SH3D19: variants seen among roughly 807,000 people sequenced by gnomAD.
SH3D19 encodes the protein SH3 domain-containing protein 19.
A neutral mutation model predicts 112.1 loss-of-function variants in SH3D19; 58 were observed. The observed-to-expected ratio is 0.52, with a 90% confidence interval of 0.42 to 0.64. SH3D19 has a LOEUF of 0.64. Ranked by LOEUF, SH3D19 falls within the 30% of genes least tolerant of loss-of-function variation. The pLI, the probability that SH3D19 is intolerant of heterozygous loss-of-function variation, is 0.00. For missense variants in SH3D19, 1,090 were observed against 1,263.4 expected (o/e 0.86, Z 2.08); for synonymous variants, 391 against 448.5 (o/e 0.87, Z 1.62).
chr4:151,281,736 T>G (rs565752535), intron 1 of SH3D19, among the ~76,000 whole-genome samples: 2 of 152,180 alleles, frequency 1.3e-5, no homozygotes, highest in African/African-American at 4.8e-5. Flanking sequence ...TTTAACTGTG[T>G]ATATGTGTAA....
chr4:151,238,138 C>T (rs1052502420), intron 1 of SH3D19, among the ~76,000 whole-genome samples: 3 of 152,220 alleles, frequency 2.0e-5, no homozygotes, highest in Non-Finnish European at 4.4e-5. Context: ...TGTCTTCCCT[C>T]ATTCCTAGTT....
intron 11 of SH3D19, among the ~76,000 whole-genome samples, chr4:151,145,707 G>A (rs570285462): frequency 6.6e-6 from 1 of 152,230 alleles, no homozygotes; most frequent in South Asian, 2.1e-4. Flanking sequence ...CTTGAGAAAG[G>A]GCTCTTAACA....
chr4:151,197,413 AAT>A (rs950130373), intron 2 of SH3D19, among the ~76,000 whole-genome samples: 10 of 152,218 alleles, frequency 6.6e-5, no homozygotes, highest in African/African-American at 9.6e-5. Flanking sequence ...ATGGGTGTCT[AAT>A]ATCTACTGAT....
At chr4:151,208,683 T>C (rs1161216344) in intron 2 of SH3D19, among the ~76,000 whole-genome samples, 1 of 8,036 alleles carries the variant, frequency 1.2e-4, no homozygotes, top group Non-Finnish European at 4.0e-3. Flanking sequence ...GGAAATCTCT[T>C]TTTTTTTTTT....
intron 2 of SH3D19, among the ~76,000 whole-genome samples, chr4:151,216,621 G>A (rs1056996140): frequency 6.6e-6 from 1 of 152,156 alleles, no homozygotes; most frequent in African/African-American, 2.4e-5. Flanking sequence ...CTGAGAAATG[G>A]GTGGCCAACA....
At chr4:151,196,207 T>C (rs1038984989) in intron 2 of SH3D19, among the ~76,000 whole-genome samples, 2 of 152,150 alleles carry the variant, frequency 1.3e-5, no homozygotes, top group African/African-American at 4.8e-5. Context: ...ATTTAGAGTC[T>C]ATACATATAA....
intron 19 of SH3D19, among the ~76,000 whole-genome samples, chr4:151,125,481 C>CAAAAT (rs1345161778): frequency 3.0e-5 from 1 of 32,888 alleles, no homozygotes; most frequent in Non-Finnish European, 7.9e-5. Context: ...CAAAACAAAA[C>CAAAAT]AAAACAAAAC....
At chr4:151,281,536 C>T (rs1774236000) in intron 1 of SH3D19, among the ~76,000 whole-genome samples, 1 of 152,006 alleles carries the variant, frequency 6.6e-6, no homozygotes, top group African/African-American at 2.4e-5. Flanking sequence ...GATTCTAAAA[C>T]TGAAAAAGAA....
chr4:151,318,300 C>CAAA (rs752720803), intron 1 of SH3D19, among the ~76,000 whole-genome samples: 48 of 54,314 alleles, frequency 8.8e-4, no homozygotes, highest in Non-Finnish European at 1.0e-3. Flanking sequence ...GACTCTGACT[C>CAAA]AAAAAAAAAA....
intron 1 of SH3D19, among the ~76,000 whole-genome samples, chr4:151,312,307 T>C (rs1051835402): frequency 1.3e-4 from 20 of 152,204 alleles, no homozygotes; most frequent in African/African-American, 4.8e-4. Flanking sequence ...GTTCAAATTA[T>C]AAGAAATCAC....
intron 1 of SH3D19, among the ~76,000 whole-genome samples, chr4:151,289,179 C>T (rs1355966088): frequency 2.0e-5 from 3 of 152,126 alleles, no homozygotes; most frequent in African/African-American, 7.2e-5. Flanking sequence ...AAGTAGACAA[C>T]CACATGCAAA....
intron 19 of SH3D19, among the ~76,000 whole-genome samples, chr4:151,123,079 T>C (rs1424531552): frequency 6.6e-6 from 1 of 152,214 alleles, no homozygotes; most frequent in Non-Finnish European, 1.5e-5. Flanking sequence ...CTCAAACTCC[T>C]GACCTTGTGA....
intron 11 of SH3D19, among the ~76,000 whole-genome samples, chr4:151,145,203 C>A (rs1408667850): frequency 6.6e-6 from 1 of 152,174 alleles, no homozygotes; most frequent in African/African-American, 2.4e-5. Context: ...TCTATATATA[C>A]CATCATTTTG....
At chr4:151,161,631 TA>T (rs1240831868) in intron 8 of SH3D19, among the ~76,000 whole-genome samples, 1 of 142,558 alleles carries the variant, frequency 7.0e-6, no homozygotes. Context: ...TATATATATA[TA>T]TATATATATT....
intron 9 of SH3D19, among the ~76,000 whole-genome samples, chr4:151,157,006 CTT>C (rs1756241642): frequency 1.3e-5 from 2 of 152,160 alleles, no homozygotes; most frequent in South Asian, 4.1e-4. Context: ...GGCAAATAAA[CTT>C]TGGGAGGCGG....
At chr4:151,189,409 G>A (rs563791671) in intron 2 of SH3D19, among the ~76,000 whole-genome samples, 63 of 152,056 alleles carry the variant, frequency 4.1e-4, no homozygotes, top group Non-Finnish European at 6.8e-4. Flanking sequence ...CACCATGCCC[G>A]GCCAAGTTTC....
Position 151,291,404 on chromosome 4 carries a change from T to C in SH3D19, c.112+33837A>G. 2 of 1,613,986 alleles carry C rather than the reference T, an allele frequency of 1.2e-6. No individual in the cohort carries two copies. The highest frequency in any genetic ancestry group is 2.2e-5 in the South Asian group (2 of 91,068). ...ACTGTAGCTGAAGCTGTTGCTTGCA[T>C]ACAGGGCTGGGAAGAGAATGCATGG... On this transcript the variant is annotated intron_variant, in intron 1 of 19. Coordinates refer to ENST00000604030, the MANE Select transcript of SH3D19 (RefSeq NM_001378122.1).
At chr4:151,245,557 C>G (rs1447534463) in intron 1 of SH3D19, among the ~76,000 whole-genome samples, 2 of 152,126 alleles carry the variant, frequency 1.3e-5, no homozygotes, top group South Asian at 4.1e-4. Context: ...CATCTAAATT[C>G]AAATTTATTG....
chr4:151,297,316 TA>T (rs1775776710), intron 1 of SH3D19, among the ~76,000 whole-genome samples: 1 of 152,344 alleles, frequency 6.6e-6, no homozygotes, highest in African/African-American at 2.4e-5. Flanking sequence ...CATCTCCATG[TA>T]GTTGGATAAA....
Sources: allele counts gnomAD v4.1 joint callset (sites outside exome capture counted in the v4.1 genomes callset), GRCh38; gene constraint gnomAD v4.1.1; transcripts MANE v1.5; gene names NCBI Gene and HGNC (gene_info 2026-07-23, HGNC 2026-07-21).